THADA: variants seen among roughly 807,000 people sequenced by gnomAD.
THADA encodes tRNA (32-2'-O)-methyltransferase regulator THADA.
THADA carries 213 observed loss-of-function variants against 219.8 expected under a neutral mutation model. That is an observed-to-expected ratio of 0.97 (90% CI 0.87 to 1.09). The LOEUF (loss-of-function observed/expected upper bound fraction) is 1.09. Ranked by LOEUF, THADA falls within the 50% of genes least tolerant of loss-of-function variation. The pLI, the probability that THADA is intolerant of heterozygous loss-of-function variation, is 0.00. For missense variants in THADA, 2,956 were observed against 2,311.3 expected, an observed-to-expected ratio of 1.28 and a Z score of -5.72; for synonymous variants, 1,018 against 828.9, an observed-to-expected ratio of 1.23 and a Z score of -3.92.
At chr2:43,545,522 A>T (rs1695906595) in intron 20 of THADA, among the ~76,000 whole-genome samples, 1 of 152,116 alleles carries the variant, frequency 6.6e-6, no homozygotes, top group Non-Finnish European at 1.5e-5. Context: ...TTTTGTTGGT[A>T]AGCTATTGAT....
At chr2:43,303,306 C>T (rs539542218) in intron 31 of THADA, among the ~76,000 whole-genome samples, 2 of 152,264 alleles carry the variant, frequency 1.3e-5, no homozygotes, top group South Asian at 2.1e-4. Context: ...GCAACATGAA[C>T]AGTCATTGTG....
intron 23 of THADA, among the ~76,000 whole-genome samples, chr2:43,507,699 T>C (rs1689860966): frequency 6.6e-6 from 1 of 152,172 alleles, no homozygotes; most frequent in African/African-American, 2.4e-5. Context: ...ATTCCATTTA[T>C]TTTCAGTGCT....
At chr2:43,589,937 C>G (rs77994584) in intron 4 of THADA, among the ~76,000 whole-genome samples, 20,797 of 151,938 alleles carry the variant, frequency 0.14, 1,601 homozygotes, top group African/African-American at 0.2. Context: ...ATGGAAATAT[C>G]TCTAAGACAT....
intron 22 of THADA, among the ~76,000 whole-genome samples, chr2:43,519,684 A>ATCTGG (rs1384420911): frequency 3.9e-5 from 6 of 152,210 alleles, no homozygotes; most frequent in African/African-American, 1.4e-4. Flanking sequence ...GCTCAGTCAA[A>ATCTGG]CACAGCATCT....
chr2:43,367,846 C>T (rs1670341768), intron 29 of THADA, among the ~76,000 whole-genome samples: 2 of 152,142 alleles, frequency 1.3e-5, no homozygotes, highest in African/African-American at 4.8e-5. Context: ...TGGCCAGGAG[C>T]GGTGGCTCAC....
intron 28 of THADA, among the ~76,000 whole-genome samples, chr2:43,418,185 T>A (rs1394564330): frequency 6.6e-6 from 1 of 152,086 alleles, no homozygotes; most frequent in Non-Finnish European, 1.5e-5. Flanking sequence ...CCTTAGGGAG[T>A]CACTTTTTGA....
At chr2:43,347,328 G>C (rs1667742470) in intron 29 of THADA, among the ~76,000 whole-genome samples, 1 of 152,156 alleles carries the variant, frequency 6.6e-6, no homozygotes. Flanking sequence ...TAACAATGTT[G>C]ATTCTTTTCC....
At chr2:43,591,709 T>C (rs1184625535) in intron 3 of THADA, among the ~76,000 whole-genome samples, 1 of 152,188 alleles carries the variant, frequency 6.6e-6, no homozygotes, top group African/African-American at 2.4e-5. Flanking sequence ...ACAAAAGAGG[T>C]ATGCACATTA....
At chr2:43,459,691 G>A (rs940387326) in intron 26 of THADA, among the ~76,000 whole-genome samples, 4 of 152,172 alleles carry the variant, frequency 2.6e-5, no homozygotes, top group African/African-American at 9.7e-5. Context: ...AAACAGTGCT[G>A]TGTGAATGTG....
chr2:43,379,837 T>G (rs901267123), intron 29 of THADA, among the ~76,000 whole-genome samples: 1 of 152,202 alleles, frequency 6.6e-6, no homozygotes. Context: ...GGTATATCCA[T>G]AAAATGAAAC....
rs993004860 is a variant in THADA at position 43,572,795 on chromosome 2, G to A, written c.1908+19C>T. 1.9e-6 allele frequency: 3 copies of A among 1,610,454 alleles called. No homozygotes were observed. The highest frequency in any genetic ancestry group is 1.7e-5 in the Admixed American group (1 of 59,664). ...GGGATCTACTGCATGTACAAATCCAGGTAATTTTCTTTACTTACTTGGCAA... is the reference window on the plus strand; with the variant it reads ...GGGATCTACTGCATGTACAAATCCAAGTAATTTTCTTTACTTACTTGGCAA... On this transcript the variant is annotated intron_variant, in intron 12 of 37. Transcript: ENST00000405975.
chr2:43,562,013 T>C (rs1444275163), intron 15 of THADA, among the ~76,000 whole-genome samples: 1 of 152,224 alleles, frequency 6.6e-6, no homozygotes, highest in Non-Finnish European at 1.5e-5. Flanking sequence ...TCACATGGTA[T>C]TTCCATTTTC....
At chr2:43,338,927 A>G (rs1666778782) in intron 30 of THADA, among the ~76,000 whole-genome samples, 1 of 152,228 alleles carries the variant, frequency 6.6e-6, no homozygotes, top group Admixed American at 6.5e-5. Flanking sequence ...GAAATATCAT[A>G]CTGTTTTCCA....
At chr2:43,466,896 C>T (rs1325458234) in intron 26 of THADA, among the ~76,000 whole-genome samples, 2 of 151,628 alleles carry the variant, frequency 1.3e-5, no homozygotes, top group African/African-American at 2.4e-5. Context: ...TTAAACACCA[C>T]GGGGGGCCGG....
intron 29 of THADA, among the ~76,000 whole-genome samples, chr2:43,351,786 G>A (rs1429337997): frequency 6.6e-6 from 1 of 152,200 alleles, no homozygotes; most frequent in Non-Finnish European, 1.5e-5. Flanking sequence ...GTCACACCAA[G>A]GTGTTGGGGG....
At chr2:43,349,201 C>T (rs1384062902) in intron 29 of THADA, among the ~76,000 whole-genome samples, 6 of 152,122 alleles carry the variant, frequency 3.9e-5, no homozygotes, top group African/African-American at 1.4e-4. Flanking sequence ...AGGAGGGTGT[C>T]AGTGAGTAGG....
intron 14 of THADA, among the ~76,000 whole-genome samples, chr2:43,567,943 A>G (rs1311464627): frequency 6.6e-6 from 1 of 152,074 alleles, no homozygotes; most frequent in Non-Finnish European, 1.5e-5. Context: ...AAGGTATTTT[A>G]TGTCATTCAC....
intron 31 of THADA, among the ~76,000 whole-genome samples, chr2:43,312,239 T>C (rs1433842852): frequency 6.6e-6 from 1 of 151,348 alleles, no homozygotes; most frequent in African/African-American, 2.4e-5. Flanking sequence ...TCACAGATGT[T>C]CTGAGACCCT....
intron 31 of THADA, among the ~76,000 whole-genome samples, chr2:43,297,443 G>A (rs1295752989): frequency 9.2e-5 from 9 of 98,018 alleles, no homozygotes; most frequent in African/African-American, 6.2e-4. Flanking sequence ...GTCCGGGAGG[G>A]AGGTGGGGGG....
Sources: gnomAD v4.1 joint callset for allele counts (sites outside exome capture counted in the v4.1 genomes callset) on GRCh38, gnomAD v4.1.1 for gene constraint, MANE v1.5 for transcripts, NCBI Gene and HGNC (gene_info 2026-07-23, HGNC 2026-07-21) for gene names.